Variants in MRE11 observed in about 807,000 individuals in gnomAD.
The protein encoded by MRE11 is double-strand break repair protein MRE11.
MRE11 carries 62 observed loss-of-function variants against 91.7 expected under a neutral mutation model. That is an observed-to-expected ratio of 0.68 (90% CI 0.55 to 0.84). The LOEUF is 0.84. MRE11 is among the 40% of genes least tolerant of loss of function. MRE11 has a pLI of 0.00. For missense variants in MRE11, 796 were observed against 852.9 expected (o/e 0.93, Z 0.83); for synonymous variants, 273 against 271.4 (o/e 1.01, Z -0.06).
the MRE11 span, among the ~76,000 whole-genome samples, chr11:94,502,221 C>T: frequency 3.3e-5 from 5 of 152,162 alleles, no homozygotes; most frequent in Admixed American, 1.3e-4. Flanking sequence ...ATGCCATGTG[C>T]GCATGATGGA....
chr11:94,429,078 C>T (rs916453000), intron 19 of MRE11, among the ~76,000 whole-genome samples: 1 of 151,942 alleles, frequency 6.6e-6, no homozygotes, highest in Non-Finnish European at 1.5e-5. Context: ...ACAAAGCAGC[C>T]AACAAACAAA....
chr11:94,429,703 G>A (rs1945411618), intron 19 of MRE11, among the ~76,000 whole-genome samples: 1 of 152,074 alleles, frequency 6.6e-6, no homozygotes, highest in South Asian at 2.1e-4. Flanking sequence ...TTGGAAAACT[G>A]CCTACTGCTC....
intron 3 of MRE11, among the ~76,000 whole-genome samples, chr11:94,489,395 C>T (rs1327158872): frequency 6.6e-6 from 1 of 151,882 alleles, no homozygotes; most frequent in Non-Finnish European, 1.5e-5. Flanking sequence ...TCAAGTCGAA[C>T]CTTGTAGTTT....
intron 18 of MRE11, among the ~76,000 whole-genome samples, chr11:94,432,801 G>A (rs540144261): frequency 2.6e-5 from 4 of 152,242 alleles, no homozygotes; most frequent in Admixed American, 2.0e-4. Flanking sequence ...GCGAGACTCC[G>A]TCTCAAAAAA....
chr11:94,422,590 T>G (rs1268256675), intron 19 of MRE11, among the ~76,000 whole-genome samples: 1 of 152,082 alleles, frequency 6.6e-6, no homozygotes, highest in East Asian at 1.9e-4. Flanking sequence ...AAGAACTGAG[T>G]GAATATCATA....
Position 94,471,674 on chromosome 11 carries a change from A to G in MRE11, c.745T>C (p.Cys249Arg). The G allele has an allele frequency of 6.2e-7, 1 of 1,612,780 alleles. No homozygotes were observed. Among genetic ancestry groups the G allele is most frequent in the Non-Finnish European group, 8.5e-7 (1 of 1,179,182 alleles). The change falls in exon 8 of 20, where the codon TGT (cysteine) becomes CGT (arginine). Residue 249 changes from cysteine (C) to arginine (R), a missense_variant. Physicochemically the swap from Cys to Arg is radical, Grantham distance 180 (BLOSUM62 -3). Coordinates refer to ENST00000323929, the MANE Select transcript of MRE11 (RefSeq NM_005591.4). ...TCATTTTTGGTTGGAGCTATTTTAC[A>G]CTCATGTTCATGGCCCCAGATAACA... ...DLVIWGHEHE[C>R]KIAPTKNEQQ...
chr11:94,492,730 A>G (rs866090954), intron 2 of MRE11, 52 bp downstream of exon 2: 3 of 1,609,772 alleles, frequency 1.9e-6, no homozygotes, highest in Middle Eastern at 3.3e-4. Flanking sequence ...ATCACAGTTG[A>G]CGAGCTTTAG....
At chr11:94,510,751 G>A in the MRE11 span, among the ~76,000 whole-genome samples, 4 of 152,184 alleles carry the variant, frequency 2.6e-5, no homozygotes, top group Admixed American at 6.5e-5. Flanking sequence ...TCTGATAGCC[G>A]AAGGGCTTAG....
chr11:94,474,897 C>G (rs1359595079), intron 7 of MRE11, among the ~76,000 whole-genome samples: 3 of 152,074 alleles, frequency 2.0e-5, no homozygotes, highest in African/African-American at 7.2e-5. Flanking sequence ...AATGGTAGAC[C>G]TGGGAAGCTC....
At chr11:94,428,792 G>A (rs958232687) in intron 19 of MRE11, among the ~76,000 whole-genome samples, 14 of 152,056 alleles carry the variant, frequency 9.2e-5, no homozygotes, top group Admixed American at 9.2e-4. Context: ...GAACCCGGGA[G>A]GCGGAGATTG....
intron 16 of MRE11, among the ~76,000 whole-genome samples, chr11:94,444,810 A>G (rs1945879688): frequency 6.6e-6 from 1 of 151,690 alleles, no homozygotes; most frequent in Non-Finnish European, 1.5e-5. Flanking sequence ...CTATAAGATT[A>G]TAAATATTAC....
At chr11:94,430,932 T>A (rs1945447960) in intron 18 of MRE11, among the ~76,000 whole-genome samples, 1 of 152,176 alleles carries the variant, frequency 6.6e-6, no homozygotes, top group Non-Finnish European at 1.5e-5. Flanking sequence ...CATTTTGAAA[T>A]GGTTACATTT....
chr11:94,422,555 C>T (rs77954398), intron 19 of MRE11, among the ~76,000 whole-genome samples: 7,113 of 152,022 alleles, frequency 0.047, 239 homozygotes, highest in Middle Eastern at 0.11. Flanking sequence ...AAAAAAATTC[C>T]GATCCCACTG....
chr11:94,495,183 A>G (rs1160090554), upstream of MRE11, among the ~76,000 whole-genome samples: 1 of 152,198 alleles, frequency 6.6e-6, no homozygotes, highest in Non-Finnish European at 1.5e-5. Flanking sequence ...GTTTAATACC[A>G]CATTAAGATT....
intron 11 of MRE11, among the ~76,000 whole-genome samples, chr11:94,463,194 T>C (rs1450157005): frequency 6.6e-6 from 1 of 152,222 alleles, no homozygotes; most frequent in Admixed American, 6.5e-5. Context: ...TCATCATCAC[T>C]GCCCGTCAGA....
intron 18 of MRE11, among the ~76,000 whole-genome samples, chr11:94,435,616 T>G (rs1293390906): frequency 6.6e-6 from 1 of 152,042 alleles, no homozygotes; most frequent in African/African-American, 2.4e-5. Flanking sequence ...AGGAAAAAAA[T>G]TACAGGCTAT....
At chr11:94,491,312 T>C (rs896749722) in intron 2 of MRE11, among the ~76,000 whole-genome samples, 9 of 152,202 alleles carry the variant, frequency 5.9e-5, no homozygotes, top group Non-Finnish European at 2.9e-5. Context: ...TTTATCTGAC[T>C]TCGTACTCTT....
intron 7 of MRE11, among the ~76,000 whole-genome samples, chr11:94,472,446 A>T (rs1353866731): frequency 3.3e-5 from 5 of 152,078 alleles, no homozygotes; most frequent in Admixed American, 1.3e-4. Context: ...ATATTCTTCC[A>T]TTCACCCAAC....
In MRE11 at chr11:94,416,522, T is replaced by G. The variant is rs1945033779; in HGVS notation, c.*3603A>C. The stretch of plus-strand genomic sequence containing the variant: ...AAATCTTCATTATACCAAACTTCTA[T>G]AATGATCTTAATGGTAGTTAGCTTT... On this transcript the variant is annotated 3_prime_UTR_variant, in exon 20 of 20. Transcript: ENST00000323929. 6.6e-6 allele frequency: 1 copy of G among 152,024 alleles called. No homozygotes were observed. 9.4% of individuals were successfully genotyped at this position (152,024 alleles called of 1,614,324 possible).
Sources: allele counts gnomAD v4.1 joint callset (sites outside exome capture counted in the v4.1 genomes callset), GRCh38; gene constraint gnomAD v4.1.1; transcripts MANE v1.5; gene names NCBI Gene and HGNC (gene_info 2026-07-23, HGNC 2026-07-21).